Variants in TRAPPC12 observed in about 807,000 individuals in gnomAD.
TRAPPC12 encodes trafficking protein particle complex subunit 12.
TRAPPC12 carries 61 observed loss-of-function variants against 69.2 expected under a neutral mutation model. That is an observed-to-expected ratio of 0.88 (90% CI 0.72 to 1.09). The LOEUF is 1.09. TRAPPC12 is among the 50% of genes least tolerant of loss of function. The pLI is 0.00. For synonymous variants in TRAPPC12, 469 were observed against 438.9 expected, an observed-to-expected ratio of 1.07 and a Z score of -0.86; for missense variants, 1,101 against 1,016.4, an observed-to-expected ratio of 1.08 and a Z score of -1.13.
intron 5 of TRAPPC12, among the ~76,000 whole-genome samples, chr2:3,428,539 T>C (rs956990297): frequency 3.9e-5 from 6 of 152,350 alleles, no homozygotes; most frequent in African/African-American, 1.4e-4. Flanking sequence ...CCATTCAGAA[T>C]ATTCATAACA....
chr2:3,434,973 T>C (rs553126131), intron 5 of TRAPPC12, among the ~76,000 whole-genome samples: 2 of 152,318 alleles, frequency 1.3e-5, no homozygotes, highest in Non-Finnish European at 1.5e-5. Context: ...GATCACCCTC[T>C]GTGGCAACGA....
At chr2:3,415,673 G>A (rs1447825102) in intron 3 of TRAPPC12, among the ~76,000 whole-genome samples, 1 of 151,618 alleles carries the variant, frequency 6.6e-6, no homozygotes, top group Non-Finnish European at 1.5e-5. Context: ...CACAGTGCTG[G>A]GGTTACAGAA....
chr2:3,420,581 C>T (rs1042194510), intron 3 of TRAPPC12, among the ~76,000 whole-genome samples: 2 of 152,112 alleles, frequency 1.3e-5, no homozygotes, highest in African/African-American at 4.8e-5. Context: ...ATGTCAGAAC[C>T]CCGGAAGACA....
chr2:3,434,554 A>G (rs1232286142), intron 5 of TRAPPC12, among the ~76,000 whole-genome samples: 2 of 152,204 alleles, frequency 1.3e-5, no homozygotes, highest in Non-Finnish European at 2.9e-5. Flanking sequence ...GGCACAAACA[A>G]TGACAGCATA....
At chr2:3,386,455 G>A (rs1660497088) in intron 1 of TRAPPC12, among the ~76,000 whole-genome samples, 1 of 152,146 alleles carries the variant, frequency 6.6e-6, no homozygotes, top group African/African-American at 2.4e-5. Flanking sequence ...AGCCTCCCAA[G>A]GCCTCAGTGT....
chr2:3,385,240 C>G (rs577570840), intron 1 of TRAPPC12, among the ~76,000 whole-genome samples: 3 of 152,098 alleles, frequency 2.0e-5, no homozygotes, highest in Non-Finnish European at 4.4e-5. Context: ...TTTCCTGCAT[C>G]TAGATTTTAT....
Position 3,414,461 on chromosome 2 carries a change from C to A in TRAPPC12, c.1165-7420C>A, listed in dbSNP as rs906793513. 6.6e-6 allele frequency among the ~76,000 whole-genome samples: 1 copy of A among 152,102 alleles called. No individual in the cohort carries two copies. The highest frequency in any genetic ancestry group is 1.5e-5 in the Non-Finnish European group (1 of 68,012). On this transcript the variant is annotated intron_variant, in intron 3 of 11. Transcript: ENST00000324266. The surrounding 1 kb of genome is among the most constrained non-coding windows in gnomAD (Gnocchi z 4.9). ...CCCGGGTTCTTGTCCTCCCCCCTGC[C>A]GCCACCCTGGGGTCTGCCACTCTGG...
chr2:3,384,272 AT>A (rs1222677242), intron 1 of TRAPPC12, among the ~76,000 whole-genome samples: 1 of 151,966 alleles, frequency 6.6e-6, no homozygotes, highest in African/African-American at 2.4e-5. Context: ...GAAGGTTTGT[AT>A]TTTTTTCTTT....
At chr2:3,413,475 T>C (rs759730301) in intron 3 of TRAPPC12, among the ~76,000 whole-genome samples, 1 of 152,202 alleles carries the variant, frequency 6.6e-6, no homozygotes, top group South Asian at 2.1e-4. Flanking sequence ...TGAACAGTTT[T>C]ATAGTTTCTG....
At chr2:3,424,769 T>C in intron 5 of TRAPPC12, 106 bp downstream of exon 5, 1 of 1,294,338 alleles carries the variant, frequency 7.7e-7, no homozygotes, top group Non-Finnish European at 1.0e-6. Context: ...TTATCCAGTC[T>C]TGAAAAATCA....
chr2:3,386,004 T>C lies in TRAPPC12; in HGVS notation c.-4-1616T>C, dbSNP rs150966651. Among the ~76,000 whole-genome samples the C allele has an allele frequency of 9.2e-5, 14 of 152,390 alleles. No homozygotes were observed. The East Asian group carries it at 2.5e-3, about 27-fold the overall frequency. On this transcript the variant is annotated intron_variant, in intron 1 of 11. Coordinates refer to ENST00000324266, the MANE Select transcript of TRAPPC12 (RefSeq NM_016030.6). ...CGTTTTACTCCTTTTCATTGGATTT[T>C]TTATTCATTTATACTTAACAATTAT...
At chr2:3,442,208 C>T (rs774552251) in intron 5 of TRAPPC12, among the ~76,000 whole-genome samples, 8 of 152,152 alleles carry the variant, frequency 5.3e-5, no homozygotes, top group Non-Finnish European at 1.2e-4. Context: ...GTATTAACAG[C>T]TAGTCCCAAG....
chr2:3,426,569 G>A (rs1179061648), intron 5 of TRAPPC12, among the ~76,000 whole-genome samples: 2 of 152,236 alleles, frequency 1.3e-5, no homozygotes, highest in Non-Finnish European at 2.9e-5. Context: ...GAGGAGTCTC[G>A]GGAACTTGCT....
At chr2:3,409,776 AAAGGG>A (rs1558358673) in intron 3 of TRAPPC12, among the ~76,000 whole-genome samples, 4 of 149,612 alleles carry the variant, frequency 2.7e-5, no homozygotes, top group Non-Finnish European at 5.9e-5. Context: ...AAAAAAAAAA[AAAGGG>A]GAAGAAATGA....
chr2:3,435,338 G>C (rs1432658300), intron 5 of TRAPPC12, among the ~76,000 whole-genome samples: 1 of 152,174 alleles, frequency 6.6e-6, no homozygotes, highest in African/African-American at 2.4e-5. Context: ...TGTTACTGGG[G>C]GGGCAGGGGA....
At chr2:3,457,099 T>G (rs7579428) in intron 6 of TRAPPC12, 1 of 463,886 alleles carries the variant, frequency 2.2e-6, no homozygotes, top group Non-Finnish European at 4.4e-6. Flanking sequence ...GCACATACAC[T>G]GTGGAATACT....
intron 7 of TRAPPC12, among the ~76,000 whole-genome samples, chr2:3,459,006 GTGAGT>G (rs1333762903): frequency 1.3e-5 from 2 of 152,382 alleles, no homozygotes; most frequent in African/African-American, 4.8e-5. Flanking sequence ...GAAAGGCAAA[GTGAGT>G]TAAGTTTTTA....
chr2:3,388,091 G>A lies in TRAPPC12; in HGVS notation c.468G>A (p.Pro156=), dbSNP rs1295471118. Residue 156 remains proline, a synonymous_variant, in exon 2 of 12, where the codon CCG becomes CCA. Coordinates refer to ENST00000324266, the MANE Select transcript of TRAPPC12 (RefSeq NM_016030.6). ...AGCAGGAGCCTCCCGTTGCGGAGCC[G>A]GTCCCGGTGTGCACCATCTTCAGCC... ...RPEQEPPVAE[P]VPVCTIFSQR... The A allele has an allele frequency of 1.9e-6, 3 of 1,545,850 alleles. No homozygotes were observed. The highest frequency in any genetic ancestry group is 1.7e-6 in the Non-Finnish European group (2 of 1,151,234).
chr2:3,456,071 A>G (rs921777046), intron 6 of TRAPPC12: 4 of 152,214 alleles, frequency 2.6e-5, no homozygotes, highest in African/African-American at 9.7e-5. Context: ...AGGCAGATTC[A>G]CTGAAGAATG....
Sources: gnomAD v4.1 joint callset for allele counts (sites outside exome capture counted in the v4.1 genomes callset) on GRCh38, gnomAD v4.1.1 for gene constraint, Gnocchi (gnomAD v3.1) non-coding constraint, MANE v1.5 for transcripts, NCBI Gene and HGNC (gene_info 2026-07-23, HGNC 2026-07-21) for gene names.